The following UBA6 variants were observed in gnomAD, a reference collection of about 807,000 sequenced individuals.
UBA6 encodes ubiquitin like modifier activating enzyme 6.
Under a neutral mutation model 148.3 loss-of-function variants are expected in UBA6, and 87 were observed. That is an observed-to-expected ratio of 0.59 (90% CI 0.49 to 0.70). UBA6 has a LOEUF of 0.70. UBA6 is among the 30% of genes least tolerant of loss of function. The pLI, the probability that UBA6 is intolerant of heterozygous loss-of-function variation, is 0.00. For synonymous variants in UBA6, 376 were observed against 401.0 expected, an observed-to-expected ratio of 0.94 and a Z score of 0.75; for missense variants, 1,186 against 1,241.2, an observed-to-expected ratio of 0.96 and a Z score of 0.67.
At chr4:67,662,993 C>T in intron 12 of UBA6, 146 bp downstream of exon 12, 1 of 483,190 alleles carries the variant, frequency 2.1e-6, no homozygotes, top group Non-Finnish European at 3.6e-6. Flanking sequence ...AGGAAAAGGA[C>T]CAGAAAGTCA....
intron 27 of UBA6, 142 bp downstream of exon 27, chr4:67,628,929 C>T: frequency 1.5e-6 from 1 of 657,516 alleles, no homozygotes; most frequent in Non-Finnish European, 2.7e-6. Context: ...GTGATTCTGA[C>T]AAATCTACTT....
At chr4:67,639,226 T>C (rs1301335761) in intron 18 of UBA6, 102 bp from the exon 19 acceptor site, 3 of 922,434 alleles carry the variant, frequency 3.3e-6, no homozygotes, top group East Asian at 2.6e-5. Context: ...AGTTCAGTCA[T>C]AGTCCATACA....
Position 67,694,414 on chromosome 4 carries a change from T to C in UBA6, c.134+2231A>G, listed in dbSNP as rs541027504. Among the ~76,000 whole-genome samples, 30 of 150,784 alleles carry C rather than the reference T, an allele frequency of 2.0e-4. No homozygotes were observed. The East Asian group carries it at 5.1e-3, about 26-fold the overall frequency. On this transcript the variant is annotated intron_variant, in intron 2 of 32. Transcript: ENST00000322244. ...ATTTCTTTTTTTTTTTTTCTTGACA[T>C]GGAGTTTTGCTCTGTAGCCCAGGCT... is the stretch of plus-strand genomic sequence containing the variant.
intron 13 of UBA6, among the ~76,000 whole-genome samples, chr4:67,651,432 G>T (rs761182230): frequency 6.6e-6 from 1 of 152,056 alleles, no homozygotes; most frequent in Non-Finnish European, 1.5e-5. Flanking sequence ...ATTAGATGAA[G>T]ACAAAGATTA....
chr4:67,663,714 T>TAGA, intron 11 of UBA6, 171 bp downstream of exon 11: 1 of 485,698 alleles, frequency 2.1e-6, no homozygotes, highest in Non-Finnish European at 3.7e-6. Flanking sequence ...TTCACATTTT[T>TAGA]AATCCTCAGA....
At chr4:67,634,369 A>G in intron 21 of UBA6, 47 bp from the exon 22 acceptor site, 2 of 1,557,762 alleles carry the variant, frequency 1.3e-6, no homozygotes, top group Admixed American at 2.2e-5. Context: ...AAGTCTGTTT[A>G]AAGTCAGAAA....
At chr4:67,686,981 A>AAAAAAAAAAC (rs1730583995) in intron 2 of UBA6, among the ~76,000 whole-genome samples, 1 of 136,370 alleles carries the variant, frequency 7.3e-6, no homozygotes, top group Non-Finnish European at 1.6e-5. Flanking sequence ...AAAAAAAAAA[A>AAAAAAAAAAC]AAAAAAAAAT....
At chr4:67,640,546 T>C (rs965086659) in intron 18 of UBA6, among the ~76,000 whole-genome samples, 2 of 152,166 alleles carry the variant, frequency 1.3e-5, no homozygotes, top group African/African-American at 4.8e-5. Context: ...ACTCCTAACC[T>C]CAAGCAATCC....
chr4:67,697,068 C>T (rs1577846889), intron 1 of UBA6, among the ~76,000 whole-genome samples: 1 of 152,062 alleles, frequency 6.6e-6, no homozygotes, highest in Non-Finnish European at 1.5e-5. Flanking sequence ...TGCAGAGGCA[C>T]GATCTTGGCT....
intron 13 of UBA6, among the ~76,000 whole-genome samples, chr4:67,657,020 C>T (rs555562771): frequency 5.3e-5 from 8 of 152,068 alleles, no homozygotes; most frequent in South Asian, 2.1e-4. Flanking sequence ...CACTGCTCAA[C>T]GAAATAAAAG....
intron 13 of UBA6, among the ~76,000 whole-genome samples, chr4:67,655,758 T>C (rs1474185066): frequency 2.0e-5 from 3 of 152,096 alleles, no homozygotes; most frequent in Admixed American, 1.3e-4. Flanking sequence ...GGAGCTGGTG[T>C]TTTGAAAAGA....
chr4:67,670,667 T>C (rs1453137239), intron 7 of UBA6, 75 bp from the exon 8 acceptor site: 4 of 1,141,906 alleles, frequency 3.5e-6, no homozygotes, highest in Non-Finnish European at 3.9e-6. Flanking sequence ...GGCCATTTCA[T>C]AACAATTTAA....
rs1301721862 is a variant in UBA6, at chr4:67,701,136, G to A, written c.-17C>T. The A allele has an allele frequency of 1.9e-6, 3 of 1,610,854 alleles. No individual in the cohort carries two copies. Among genetic ancestry groups the A allele is most frequent in the Non-Finnish European group, 1.7e-6 (2 of 1,179,636 alleles). ...TCCTTCCATTGCCGCCTGAGACACC[G>A]CCGCCGGCTACTGGAAGGTAGGAAG... On this transcript the variant is annotated 5_prime_UTR_variant, in exon 1 of 33. Coordinates refer to ENST00000322244, the MANE Select transcript of UBA6 (RefSeq NM_018227.6).
rs1038450471 is a variant in UBA6 at position 67,630,520 on chromosome 4, A to G, written c.2274T>C (p.Leu758=). The change falls in exon 26 of 33, where the codon CTT becomes CTC. Residue 758 remains leucine, a synonymous_variant. Transcript: ENST00000322244. ...DLNEPLHLSF[L]QNAAKLYATV... is the part of the protein sequence containing the mutation. ...TAGCATATAGTTTTGCAGCATTCTG[A>G]AGGAAACTGAGGTGCCTTTTGAAAT... is the stretch of plus-strand genomic sequence containing the variant. The G allele has an allele frequency of 1.3e-6, 2 of 1,584,878 alleles. No individual in the cohort carries two copies. The highest frequency in any genetic ancestry group is 2.7e-5 in the African/African-American group (2 of 74,212).
At position 67,626,468 on chromosome 4, in the gene UBA6, T is replaced by C. The variant is rs1577789135; in HGVS notation, c.2410A>G (p.Thr804Ala). ...EFKPSNKVVQTDETARKPDHV... is the reference protein window; with the variant it reads ...EFKPSNKVVQADETARKPDHV... ...TCTGGTTTCCTTGCAGTTTCATCTG[T>C]TTGAACAACCTTTGAATATATGAAT... The change falls in exon 28 of 33, where the codon ACA (threonine) becomes GCA (alanine). Residue 804 changes from threonine (T) to alanine (A), a missense_variant. Thr to Ala is a moderately conservative substitution (Grantham distance 58, BLOSUM62 0). Coordinates refer to ENST00000322244, the MANE Select transcript of UBA6 (RefSeq NM_018227.6). The C allele has an allele frequency of 3.1e-6, 5 of 1,600,568 alleles. No individual in the cohort carries two copies. The East Asian group carries it at 9.0e-5, about 29-fold the overall frequency.
In UBA6 at chr4:67,684,024, C is replaced by T. The variant is rs188777537; in HGVS notation, c.135-1811G>A. Among the ~76,000 whole-genome samples the T allele has an allele frequency of 5.0e-3, 760 of 152,272 alleles. 9 individuals are homozygous for T. Among genetic ancestry groups the T allele is most frequent in the African/African-American group, 0.017 (714 of 41,540 alleles). On this transcript the variant is annotated intron_variant, in intron 2 of 32. Coordinates refer to ENST00000322244, the MANE Select transcript of UBA6 (RefSeq NM_018227.6). ...GCCAGGAGGTGGAGGTTGCAGTGAG[C>T]CAAGATCATGCCACTGCACTCCAGC...
chr4:67,622,762 A>T (rs1728778896), intron 32 of UBA6, 69 bp downstream of exon 32: 1 of 1,089,708 alleles, frequency 9.2e-7, no homozygotes, highest in Non-Finnish European at 1.4e-6. Context: ...CTCTATATTT[A>T]ATTTTTTAGT....
chr4:67,626,701 C>T (rs182642164), intron 27 of UBA6, among the ~76,000 whole-genome samples: 64 of 151,940 alleles, frequency 4.2e-4, no homozygotes, highest in African/African-American at 1.4e-3. Context: ...GGCATGTAAG[C>T]TCTATAACAA....
chr4:67,696,266 G>A (rs1730830444), intron 2 of UBA6, among the ~76,000 whole-genome samples: 1 of 151,976 alleles, frequency 6.6e-6, no homozygotes, highest in South Asian at 2.1e-4. Flanking sequence ...TTTTGCAAGG[G>A]CAGCAAAATC....
Sources: gnomAD v4.1 joint callset for allele counts (sites outside exome capture counted in the v4.1 genomes callset) on GRCh38, gnomAD v4.1.1 for gene constraint, MANE v1.5 for transcripts, NCBI Gene and HGNC (gene_info 2026-07-23, HGNC 2026-07-21) for gene names.